Variants in COMMD10 observed in about 807,000 individuals in gnomAD.
COMMD10 encodes the protein COMM domain-containing protein 10.
Under a neutral mutation model 28.9 loss-of-function variants are expected in COMMD10, and 33 were observed. That is an observed-to-expected ratio of 1.14 (90% CI 0.87 to 1.53). The LOEUF (loss-of-function observed/expected upper bound fraction) is 1.53. Among genes scored for constraint, COMMD10 ranks in the 40% most tolerant of loss-of-function variants. The pLI is 0.00. For missense variants in COMMD10, 310 were observed against 233.4 expected, an observed-to-expected ratio of 1.33 and a Z score of -2.14; for synonymous variants, 110 against 81.7, an observed-to-expected ratio of 1.35 and a Z score of -1.87.
intron 5 of COMMD10, among the ~76,000 whole-genome samples, chr5:116,143,180 T>C (rs547508142): frequency 3.3e-4 from 49 of 149,776 alleles, no homozygotes; most frequent in Middle Eastern, 6.8e-3. Flanking sequence ...CATAACGCAA[T>C]GCAAACTTCC....
chr5:116,286,365 CTG>C (rs1751218175), intron 5 of COMMD10, among the ~76,000 whole-genome samples: 1 of 146,758 alleles, frequency 6.8e-6, no homozygotes, highest in Non-Finnish European at 1.5e-5. Context: ...TCATTTATCT[CTG>C]TTGTAATCTA....
intron 5 of COMMD10, among the ~76,000 whole-genome samples, chr5:116,165,401 G>C (rs1238934143): frequency 2.0e-5 from 3 of 152,128 alleles, no homozygotes; most frequent in Non-Finnish European, 4.4e-5. Flanking sequence ...TATGTACTTG[G>C]TGTATTAGTC....
At position 116,287,273 on chromosome 5, in the gene COMMD10, A is replaced by G. The variant is rs148578888; in HGVS notation, c.511-4244A>G. ...CAAAGCTATGAGGTTTGGTGCATAA[A>G]TATTTATAATTGTTTTATTTTCCTG... On this transcript the variant is annotated intron_variant, in intron 5 of 6. Transcript: ENST00000274458. Among the ~76,000 whole-genome samples the G allele has an allele frequency of 2.0e-3, 308 of 151,812 alleles. 6 individuals are homozygous for G. The highest frequency in any genetic ancestry group is 7.1e-3 in the African/African-American group (293 of 41,250).
At chr5:116,146,390 A>G (rs554048785) in intron 5 of COMMD10, among the ~76,000 whole-genome samples, 2 of 151,978 alleles carry the variant, frequency 1.3e-5, no homozygotes, top group East Asian at 3.9e-4. Context: ...AGAATTTTGT[A>G]TGTTGTTTGA....
At chr5:116,176,640 T>A (rs1253799654) in intron 5 of COMMD10, among the ~76,000 whole-genome samples, 3 of 152,144 alleles carry the variant, frequency 2.0e-5, no homozygotes, top group Non-Finnish European at 4.4e-5. Flanking sequence ...TTTTCTGATG[T>A]TGAGGGTCCT....
intron 4 of COMMD10, among the ~76,000 whole-genome samples, chr5:116,130,120 A>G (rs1751816612): frequency 6.6e-6 from 1 of 151,814 alleles, no homozygotes; most frequent in East Asian, 1.9e-4. Flanking sequence ...ACTTTTAGTC[A>G]TGACTCTTTT....
rs192731827 is a variant in COMMD10, at chr5:116,202,156, G to A, written c.510+67978G>A. On this transcript the variant is annotated intron_variant, in intron 5 of 6. Transcript: ENST00000274458. The stretch of plus-strand genomic sequence containing the variant: ...GCAGTGTTTGTTTTTTTGTCCTCGC[G>A]ATAGTTTACTGAGAATGATGATTTC... 3.3e-3 allele frequency among the ~76,000 whole-genome samples: 498 copies of A among 151,128 alleles called. 3 individuals are homozygous for A. Among genetic ancestry groups the A allele is most frequent in the African/African-American group, 0.012 (477 of 41,180 alleles).
chr5:116,185,716 C>T lies in COMMD10; in HGVS notation c.510+51538C>T, dbSNP rs1748113993. On this transcript the variant is annotated intron_variant, in intron 5 of 6. Coordinates refer to ENST00000274458, the MANE Select transcript of COMMD10 (RefSeq NM_016144.4). ...TGCGTTGAACTCTATCAACAAAGAG[C>T]TATGTTTTGAGCCTTGATTACAAAT... 2.0e-5 allele frequency among the ~76,000 whole-genome samples: 3 copies of T among 152,238 alleles called. No individual in the cohort carries two copies. In the South Asian group the frequency reaches 6.2e-4, roughly 32 times the overall value.
In COMMD10 at chr5:116,212,698, G is replaced by GACCA. The variant is rs141809411; in HGVS notation, c.510+78523_510+78526dup. 5.7e-3 allele frequency among the ~76,000 whole-genome samples: 871 copies of GACCA among 152,168 alleles called. 10 individuals carry two copies. The highest frequency in any genetic ancestry group is 0.02 in the African/African-American group (830 of 41,498). On this transcript the variant is annotated intron_variant, in intron 5 of 6. Transcript: ENST00000274458. ...ATAATGAATTCATCACATTTTATGA[G>GACCA]ACCAACTTTAAGAAAACTAGCTGGA...
At chr5:116,253,275 G>T in intron 5 of COMMD10, among the ~76,000 whole-genome samples, 1 of 130,852 alleles carries the variant, frequency 7.6e-6, no homozygotes, top group East Asian at 2.3e-4. Flanking sequence ...TTTCCTAATT[G>T]AATACCCTTT....
At position 116,293,164 on chromosome 5, in the gene COMMD10, C is replaced by T; in HGVS notation, c.*675C>T. ...CACTTTATAGTTTGGGAGACAGAAT[C>T]AGGTCTTGAATAAAATAATTGTAAT... On this transcript the variant is annotated 3_prime_UTR_variant, in exon 7 of 7. Transcript: ENST00000274458. 1 of 391,974 alleles carries T rather than the reference C, an allele frequency of 2.6e-6. No individual in the cohort carries two copies. Among genetic ancestry groups the T allele is most frequent in the South Asian group, 1.4e-4 (1 of 7,246 alleles). 24.3% of individuals were successfully genotyped at this position (391,974 alleles called of 1,614,324 possible). A position where few individuals can be genotyped will look rare whatever the true frequency, so the allele number is the denominator to read the frequency against.
intron 4 of COMMD10, among the ~76,000 whole-genome samples, chr5:116,115,106 C>T (rs1285070283): frequency 6.6e-6 from 1 of 152,130 alleles, no homozygotes; most frequent in African/African-American, 2.4e-5. Context: ...TTGAGAATGG[C>T]ATCTTACTGT....
intron 2 of COMMD10, among the ~76,000 whole-genome samples, chr5:116,089,086 A>G (rs1218788018): frequency 6.6e-6 from 1 of 152,192 alleles, no homozygotes; most frequent in Non-Finnish European, 1.5e-5. Flanking sequence ...GAGAGAAAGG[A>G]GAAACTGCAA....
intron 5 of COMMD10, among the ~76,000 whole-genome samples, chr5:116,283,558 G>C (rs1751132692): frequency 6.6e-6 from 1 of 151,490 alleles, no homozygotes; most frequent in African/African-American, 2.4e-5. Flanking sequence ...TGTTGTCCAG[G>C]CTGGTCTCGA....
chr5:116,267,971 T>C (rs1402079431), intron 5 of COMMD10, among the ~76,000 whole-genome samples: 7 of 151,796 alleles, frequency 4.6e-5, no homozygotes, highest in Non-Finnish European at 5.9e-5. Context: ...AAGACTTACA[T>C]GTTAGACCTA....
At chr5:116,109,101 C>T (rs58510083) in intron 4 of COMMD10, among the ~76,000 whole-genome samples, 15,320 of 152,112 alleles carry the variant, frequency 0.1, 1,062 homozygotes, top group African/African-American at 0.19. Context: ...CCTTCTGCAT[C>T]GATTTTGCTG....
chr5:116,292,560 G>T lies in COMMD10; in HGVS notation c.*71G>T. 1 of 1,326,526 alleles carries T rather than the reference G, an allele frequency of 7.5e-7. No individual in the cohort carries two copies. Among genetic ancestry groups the T allele is most frequent in the Non-Finnish European group, 1.0e-6 (1 of 960,072 alleles). The allele number at this position is 1,326,526 out of a possible 1,614,324, so 82.2% of individuals were successfully genotyped here. A position where few individuals can be genotyped will look rare whatever the true frequency, so the allele number is the denominator to read the frequency against. ...ATTTTGCATTGAAGATACATTGCCA[G>T]GTTGTGTTTTCTGAAGGATTCAGTG... is the stretch of plus-strand genomic sequence containing the variant. On this transcript the variant is annotated 3_prime_UTR_variant, in exon 7 of 7. Transcript: ENST00000274458.
chr5:116,279,723 A>G (rs1561406479), intron 5 of COMMD10, among the ~76,000 whole-genome samples: 1 of 151,920 alleles, frequency 6.6e-6, no homozygotes, highest in South Asian at 2.1e-4. Flanking sequence ...TGTTTGTAAA[A>G]TGCTCACAGT....
rs10074715 is a variant in COMMD10, at chr5:116,180,022, C to A, written c.510+45844C>A. Among the ~76,000 whole-genome samples, 9 of 151,828 alleles carry A rather than the reference C, an allele frequency of 5.9e-5. 1 individual carries two copies. In the South Asian group the frequency reaches 1.9e-3, roughly 32 times the overall value. On this transcript the variant is annotated intron_variant, in intron 5 of 6. Transcript: ENST00000274458. The stretch of plus-strand genomic sequence containing the variant: ...GATGAATTGAGGTTTTTTGTTGTTA[C>A]TCTTGATATTAAAAAGATTATTACT...
Sources: gnomAD v4.1 joint callset for allele counts (sites outside exome capture counted in the v4.1 genomes callset) on GRCh38, gnomAD v4.1.1 for gene constraint, MANE v1.5 for transcripts, NCBI Gene and HGNC (gene_info 2026-07-23, HGNC 2026-07-21) for gene names.